Variants in ZNF787 observed in about 807,000 individuals in gnomAD.
The protein encoded by ZNF787 is TTF-I-interacting peptide 20.
ZNF787 carries 7 observed loss-of-function variants against 16.9 expected under a neutral mutation model. That is an observed-to-expected ratio of 0.42 (90% CI 0.24 to 0.78). The LOEUF (loss-of-function observed/expected upper bound fraction) is 0.78. Among genes scored for constraint, ZNF787 ranks in the 30% least tolerant of loss-of-function variants. ZNF787 has a pLI of 0.30. For missense variants in ZNF787, 551 were observed against 589.3 expected (o/e 0.94, Z 0.67); for synonymous variants, 345 against 270.9 (o/e 1.27, Z -2.69).
In ZNF787 at chr19:56,088,084, T is replaced by C. The variant is rs1181076322; in HGVS notation, c.1088A>G (p.Asp363Gly). The C allele has an allele frequency of 3.0e-6, 4 of 1,327,894 alleles. No homozygotes were observed. The highest frequency in any genetic ancestry group is 3.9e-6 in the Non-Finnish European group (4 of 1,022,004). The allele number at this position is 1,327,894 out of a possible 1,614,324, so 82.3% of individuals were successfully genotyped here. ...CCCGCCCGCGGCCTCGTCGTCGTCG[T>C]CCTCCTCCTCCCCGCCCGCGCGGTA... Reference protein sequence around the residue: ...SYYRAGGEEEDDDDEAAGGRC... With the variant: ...SYYRAGGEEEGDDDEAAGGRC... The change falls in exon 3 of 3, where the codon GAC (aspartate) becomes GGC (glycine). Residue 363 changes from aspartate (D) to glycine (G), a missense_variant. Around this residue, in one of 4 missense-constraint regions of ZNF787, gnomAD observed 392 missense variants for 312.7 expected, o/e 1.25. Coordinates refer to ENST00000610935, the MANE Select transcript of ZNF787 (RefSeq NM_001002836.4). The surrounding 1 kb of genome is among the most constrained non-coding windows in gnomAD (Gnocchi z 8.6).
At chr19:56,101,248 C>T (rs1455128695) in intron 2 of ZNF787, among the ~76,000 whole-genome samples, 3 of 152,196 alleles carry the variant, frequency 2.0e-5, no homozygotes, top group East Asian at 1.9e-4. Flanking sequence ...GGACCCCACA[C>T]GGGAGTTACG....
chr19:56,087,912 C>T lies in ZNF787; in HGVS notation c.*111G>A, dbSNP rs547658765. On this transcript the variant is annotated 3_prime_UTR_variant, in exon 3 of 3. Coordinates refer to ENST00000610935, the MANE Select transcript of ZNF787 (RefSeq NM_001002836.4). ...GAGGAGGGCGGGGAGCCGGGGATGC[C>T]GCGGGGTCCATCGCACCCCGTCCGC... 2.5e-5 allele frequency: 32 copies of T among 1,277,552 alleles called. No homozygotes were observed. Among genetic ancestry groups the T allele is most frequent in the Middle Eastern group, 3.1e-4 (1 of 3,266 alleles). The allele number at this position is 1,277,552 out of a possible 1,614,324, so 79.1% of individuals were successfully genotyped here.
chr19:56,119,356 G>A (rs1157202590), intron 1 of ZNF787, among the ~76,000 whole-genome samples: 1 of 152,190 alleles, frequency 6.6e-6, no homozygotes, highest in Non-Finnish European at 1.5e-5. Flanking sequence ...TTGAACCTGG[G>A]AAAAGGGAAG....
chr19:56,097,774 C>A (rs1343458645), intron 2 of ZNF787, among the ~76,000 whole-genome samples: 1 of 152,184 alleles, frequency 6.6e-6, no homozygotes, highest in African/African-American at 2.4e-5. Context: ...AGCCGAGACC[C>A]CAGGGACAAA....
intron 2 of ZNF787, among the ~76,000 whole-genome samples, chr19:56,099,938 G>T (rs901967132): frequency 6.6e-6 from 1 of 152,136 alleles, no homozygotes; most frequent in Non-Finnish European, 1.5e-5. Flanking sequence ...CACGGCGCCG[G>T]GATCTCGCCT....
chr19:56,107,272 TCACA>T (rs1315682441), intron 1 of ZNF787, among the ~76,000 whole-genome samples: 1 of 151,986 alleles, frequency 6.6e-6, no homozygotes, highest in African/African-American at 2.4e-5. Context: ...CAGAAACAGT[TCACA>T]CACAGACCAT....
At chr19:56,090,036 C>T (rs1045241015) in intron 2 of ZNF787, among the ~76,000 whole-genome samples, 7 of 152,156 alleles carry the variant, frequency 4.6e-5, no homozygotes, top group African/African-American at 1.7e-4. Context: ...GTGGACACCC[C>T]AGGTGCACCC....
intron 1 of ZNF787, among the ~76,000 whole-genome samples, chr19:56,103,856 ACCG>A: frequency 1.2e-5 from 1 of 82,218 alleles, no homozygotes; most frequent in African/African-American, 4.9e-5. Flanking sequence ...TACGCACGAC[ACCG>A]CCGACCCGTG....
intron 1 of ZNF787, among the ~76,000 whole-genome samples, chr19:56,112,878 T>TCCCCCC (rs1568535075): frequency 2.0e-4 from 25 of 126,316 alleles, no homozygotes; most frequent in Admixed American, 1.0e-3. Flanking sequence ...GACCAGCCGT[T>TCCCCCC]CCCCCCACCC....
At chr19:56,105,253 C>G (rs960729726) in intron 1 of ZNF787, among the ~76,000 whole-genome samples, 1 of 152,186 alleles carries the variant, frequency 6.6e-6, no homozygotes, top group Non-Finnish European at 1.5e-5. Context: ...TCGCACAGAT[C>G]AGGGAAGGGC....
At chr19:56,104,839 G>A (rs1323585556) in intron 1 of ZNF787, among the ~76,000 whole-genome samples, 1 of 152,232 alleles carries the variant, frequency 6.6e-6, no homozygotes, top group Non-Finnish European at 1.5e-5. Context: ...TTTTAAAACA[G>A]GCTCCCTGGC....
At chr19:56,107,535 G>A (rs1038560669) in intron 1 of ZNF787, among the ~76,000 whole-genome samples, 4 of 152,050 alleles carry the variant, frequency 2.6e-5, no homozygotes, top group African/African-American at 9.7e-5. Context: ...TGGGAGAAAC[G>A]AGTCACCAGG....
intron 2 of ZNF787, among the ~76,000 whole-genome samples, chr19:56,099,542 C>A (rs1418665854): frequency 6.6e-6 from 1 of 152,042 alleles, no homozygotes; most frequent in Non-Finnish European, 1.5e-5. Flanking sequence ...GAAACCCAGT[C>A]TCTACCAAAA....
chr19:56,092,078 G>A (rs1985624774), intron 2 of ZNF787, among the ~76,000 whole-genome samples: 1 of 143,536 alleles, frequency 7.0e-6, no homozygotes, highest in Non-Finnish European at 1.5e-5. Flanking sequence ...CACCCTCACA[G>A]GAGCAATGAG....
chr19:56,098,422 C>T (rs904101033), intron 2 of ZNF787, among the ~76,000 whole-genome samples: 14 of 152,174 alleles, frequency 9.2e-5, no homozygotes, highest in South Asian at 2.1e-4. Flanking sequence ...AGGGTGATGC[C>T]ACCCAGGTAA....
At chr19:56,116,540 C>G (rs941208721) in intron 1 of ZNF787, among the ~76,000 whole-genome samples, 2 of 152,052 alleles carry the variant, frequency 1.3e-5, no homozygotes, top group African/African-American at 4.8e-5. Flanking sequence ...GCCTGGGCAA[C>G]ACAGCAAAAT....
In ZNF787 at chr19:56,088,052, G is replaced by C. The variant is rs764474265; in HGVS notation, c.1120C>G (p.Pro374Ala). The C allele has an allele frequency of 2.0e-5, 28 of 1,384,012 alleles. No individual in the cohort carries two copies. In the South Asian group the frequency reaches 2.9e-4, roughly 14 times the overall value. 85.7% of individuals were successfully genotyped at this position (1,384,012 alleles called of 1,614,324 possible). A position where few individuals can be genotyped will look rare whatever the true frequency, so the allele number is the denominator to read the frequency against. ...DDDEAAGGRC[P>A]ECRGGEGR Reference sequence around the variant, plus strand: ...CGGCCCTCCCCACCGCGGCACTCGGGGCACCGCCCGCCCGCGGCCTCGTCG... The same window carrying C: ...CGGCCCTCCCCACCGCGGCACTCGGCGCACCGCCCGCCCGCGGCCTCGTCG... The change falls in exon 3 of 3, where the codon CCC (proline) becomes GCC (alanine). Residue 374 changes from proline (P) to alanine (A), a missense_variant. By Grantham distance (27) the Pro-to-Ala change is conservative. Transcript: ENST00000610935. This position sits in a 1 kb window ranked among gnomAD's most constrained non-coding sequence, Gnocchi z 8.6.
At chr19:56,113,188 AACCCACAGGGAGGCAGCACCTCAC>A (rs917149951) in intron 1 of ZNF787, among the ~76,000 whole-genome samples, 3 of 152,160 alleles carry the variant, frequency 2.0e-5, no homozygotes, top group African/African-American at 7.2e-5. Context: ...AGGCAGACCA[AACCCACAGGGAGGCAGCACCTCAC>A]ACCCACTGCC....
At chr19:56,108,610 G>A (rs1168419008) in intron 1 of ZNF787, among the ~76,000 whole-genome samples, 1 of 152,040 alleles carries the variant, frequency 6.6e-6, no homozygotes, top group Non-Finnish European at 1.5e-5. Context: ...GTCAGGGCCC[G>A]CTCTGACACC....
Sources: allele counts gnomAD v4.1 joint callset (sites outside exome capture counted in the v4.1 genomes callset), GRCh38; gene constraint gnomAD v4.1.1; regional missense constraint gnomAD v4.1.1; non-coding constraint Gnocchi (gnomAD v3.1); transcripts MANE v1.5; gene names NCBI Gene and HGNC (gene_info 2026-07-23, HGNC 2026-07-21).